The following FBN1 variants were observed in gnomAD, a reference collection of about 807,000 sequenced individuals.
FBN1 encodes fibrillin 1.
Under a neutral mutation model 365.1 loss-of-function variants are expected in FBN1, and 29 were observed. The observed-to-expected ratio is 0.08, with a 90% CI of 0.06 to 0.11. The LOEUF (loss-of-function observed/expected upper bound fraction) is 0.11, where lower values mean the gene tolerates loss of function less well. Ranked by LOEUF, FBN1 falls within the 10% of genes least tolerant of loss-of-function variation. FBN1 has a pLI of 1.00. For synonymous variants in FBN1, 1,210 were observed against 1,270.5 expected, an observed-to-expected ratio of 0.95 and a Z score of 1.01; for missense variants, 2,476 against 3,703.2, an observed-to-expected ratio of 0.67 and a Z score of 8.60.
Position 48,425,808 on chromosome 15 carries a change from C to T in FBN1, c.7261G>A (p.Asp2421Asn), listed in dbSNP as rs778715805. ...CAAATGCAATGATATGATCCTCTGTCATTGACACATTCCCCATTTCGGCAA... is the reference window on the plus strand; with the variant it reads ...CAAATGCAATGATATGATCCTCTGTTATTGACACATTCCCCATTTCGGCAA... ...DVCRNGECVN[D>N]RGSYHCICKT... Residue 2421 changes from aspartate (D) to asparagine (N), a missense_variant, in exon 59 of 66, where the codon GAC becomes AAC. By Grantham distance (23) the Asp-to-Asn change is conservative (BLOSUM62 1). Transcript: ENST00000316623. 2.2e-5 allele frequency: 35 copies of T among 1,612,318 alleles called. No individual in the cohort carries two copies. In the South Asian group the frequency reaches 3.8e-4, roughly 18 times the overall value.
At chr15:48,412,144 T>C in intron 65 of FBN1, among the ~76,000 whole-genome samples, 1 of 152,216 alleles carries the variant, frequency 6.6e-6, no homozygotes, top group Middle Eastern at 3.2e-3. Context: ...ACGTTATTTT[T>C]GTCTACAATC....
chr15:48,503,991 AC>A, intron 16 of FBN1, 52 bp from the exon 17 acceptor site: 2 of 1,608,904 alleles, frequency 1.2e-6, no homozygotes, highest in Non-Finnish European at 1.7e-6. Context: ...ACAGATGAGA[AC>A]CCCCCAAGTC....
chr15:48,444,695 C>G, intron 48 of FBN1, 35 bp from the exon 49 acceptor site: 1 of 1,611,098 alleles, frequency 6.2e-7, no homozygotes, highest in Non-Finnish European at 8.5e-7. Flanking sequence ...GAAGAGGTTC[C>G]CACTGGCATG....
chr15:48,462,975 A>G (rs2141266386), intron 42 of FBN1, 107 bp downstream of exon 42: 1 of 1,152,372 alleles, frequency 8.7e-7, no homozygotes, highest in Non-Finnish European at 1.3e-6. Flanking sequence ...TTTCCCTGTA[A>G]AGATAAACAA....
intron 6 of FBN1, among the ~76,000 whole-genome samples, chr15:48,570,687 A>C (rs1027675335): frequency 6.6e-6 from 1 of 152,218 alleles, no homozygotes. Flanking sequence ...TGATTGAATC[A>C]CTTGCCCCAT....
At position 48,420,536 on chromosome 15, in the gene FBN1, G is replaced by C. The variant is rs1450461671; in HGVS notation, c.7819+151C>G. On this transcript the variant is annotated intron_variant, in intron 63 of 65. Transcript: ENST00000316623. ...CTTAGTTTGCTGTTTTGCAAAGACT[G>C]TTACTTACCTCGGGTTTCAACCAGG... is the stretch of plus-strand genomic sequence containing the variant. The C allele has an allele frequency of 3.2e-6, 3 of 950,010 alleles. No individual in the cohort carries two copies. In the African/African-American group the frequency reaches 4.9e-5, roughly 15 times the overall value. The allele number at this position is 950,010 out of a possible 1,614,324, so 58.8% of individuals were successfully genotyped here. A position where few individuals can be genotyped will look rare whatever the true frequency, so the allele number is the denominator to read the frequency against.
At chr15:48,639,143 T>A (rs1258720108) in intron 2 of FBN1, among the ~76,000 whole-genome samples, 1 of 152,208 alleles carries the variant, frequency 6.6e-6, no homozygotes, top group Non-Finnish European at 1.5e-5. Flanking sequence ...TGCATTTTTG[T>A]CTGGTGGAAT....
rs1185510316 is a variant in FBN1 at position 48,446,740 on chromosome 15, A to G, written c.5754T>C (p.His1918=). 6.2e-7 allele frequency: 1 copy of G among 1,613,300 alleles called. No homozygotes were observed. The highest frequency in any genetic ancestry group is 8.5e-7 in the Non-Finnish European group (1 of 1,179,304). The part of the protein sequence containing the change: ...TIGSFNCRCN[H]GFILSHNNDC... The stretch of plus-strand genomic sequence containing the variant: ...CATTGTTGTGAGAAAGGATGAAACC[A>G]TGATTGCAGCGGCAGTTGAAGGAAC... The change falls in exon 47 of 66, where the codon CAT becomes CAC. Residue 1918 remains histidine, a synonymous_variant. Coordinates refer to ENST00000316623, the MANE Select transcript of FBN1 (RefSeq NM_000138.5).
intron 41 of FBN1, among the ~76,000 whole-genome samples, chr15:48,463,577 C>T (rs1030406607): frequency 2.0e-5 from 3 of 152,196 alleles, no homozygotes; most frequent in Non-Finnish European, 4.4e-5. Flanking sequence ...GTTTCCGACT[C>T]GTGATGTTTT....
At chr15:48,459,132 C>G (rs714290) in intron 43 of FBN1, among the ~76,000 whole-genome samples, 105,607 of 152,120 alleles carry the variant, frequency 0.69, 37,619 homozygotes, top group South Asian at 0.8. Context: ...CGCTAATGTT[C>G]TTTCTAGTCT....
intron 6 of FBN1, among the ~76,000 whole-genome samples, chr15:48,553,525 G>A (rs11857382): frequency 0.12 from 17,970 of 152,228 alleles, 1,241 homozygotes; most frequent in Non-Finnish European, 0.15. Flanking sequence ...TTATGCAAAT[G>A]CAGATGGCTT....
At chr15:48,570,297 G>A (rs534775248) in intron 6 of FBN1, among the ~76,000 whole-genome samples, 3 of 152,006 alleles carry the variant, frequency 2.0e-5, no homozygotes, top group Non-Finnish European at 2.9e-5. Context: ...TCAAACCTGC[G>A]GTTATGACCT....
At chr15:48,412,088 AG>A (rs1205820004) in intron 65 of FBN1, among the ~76,000 whole-genome samples, 3 of 152,192 alleles carry the variant, frequency 2.0e-5, no homozygotes, top group Non-Finnish European at 4.4e-5. Context: ...GTTGACTGAA[AG>A]GCTGCAGCAG....
intron 29 of FBN1, among the ~76,000 whole-genome samples, chr15:48,486,688 C>T (rs766812254): frequency 2.0e-5 from 3 of 152,156 alleles, no homozygotes; most frequent in South Asian, 2.1e-4. Flanking sequence ...CAGCACTCAC[C>T]GTGTTTAGTT....
Position 48,625,487 on chromosome 15 carries a change from G to A in FBN1, c.165-12395C>T, listed in dbSNP as rs543408591. ...TGAGAGGGCAGCCAGAGTCAGAGCC[G>A]TCCCAGCCCAGGCTTGACACCCTTC... On this transcript the variant is annotated intron_variant, in intron 2 of 65. Transcript: ENST00000316623. Among the ~76,000 whole-genome samples, 149 of 152,230 alleles carry A rather than the reference G, an allele frequency of 9.8e-4. 1 individual carries two copies. The highest frequency in any genetic ancestry group is 1.0e-3 in the Non-Finnish European group (69 of 68,008).
chr15:48,618,326 CTT>C (rs1173859658), intron 2 of FBN1, among the ~76,000 whole-genome samples: 1 of 152,124 alleles, frequency 6.6e-6, no homozygotes, highest in Non-Finnish European at 1.5e-5. Flanking sequence ...TTTATTTGCT[CTT>C]TGACAATTTT....
intron 1 of FBN1, among the ~76,000 whole-genome samples, chr15:48,645,355 C>G (rs1055265399): frequency 2.6e-5 from 4 of 152,242 alleles, no homozygotes; most frequent in African/African-American, 9.6e-5. Context: ...GGCGATGCCA[C>G]CGCCCCCCGA....
chr15:48,545,788 G>A (rs1337085499), intron 6 of FBN1, among the ~76,000 whole-genome samples: 2 of 152,134 alleles, frequency 1.3e-5, no homozygotes, highest in African/African-American at 2.4e-5. Context: ...TTGGGAGGAC[G>A]AGGCAGGTGG....
chr15:48,465,514 G>T (rs1177075505), intron 40 of FBN1, 54 bp downstream of exon 40: 2 of 1,604,676 alleles, frequency 1.2e-6, no homozygotes, highest in African/African-American at 1.3e-5. Context: ...TTCTGGTTTT[G>T]CAGGTCAGTT....
Sources: allele counts gnomAD v4.1 joint callset (sites outside exome capture counted in the v4.1 genomes callset), GRCh38; gene constraint gnomAD v4.1.1; transcripts MANE v1.5; gene names NCBI Gene and HGNC (gene_info 2026-07-23, HGNC 2026-07-21).